FAM53A: variants seen among roughly 807,000 people sequenced by gnomAD.
The protein encoded by FAM53A is protein FAM53A.
Under a neutral mutation model 26.6 loss-of-function variants are expected in FAM53A, and 28 were observed. The observed-to-expected ratio is 1.05, with a 90% CI of 0.78 to 1.45. The LOEUF is 1.45. FAM53A is among the 40% of genes most tolerant of loss of function. The probability of loss-of-function intolerance (pLI) is 0.00; values close to 1 mark genes in which losing one functional copy is unlikely to be tolerated. For missense variants in FAM53A, 650 were observed against 575.8 expected (o/e 1.13, Z -1.32); for synonymous variants, 290 against 253.1 (o/e 1.15, Z -1.38).
the FAM53A span, among the ~76,000 whole-genome samples, chr4:1,603,018 C>T: frequency 1.3e-5 from 2 of 152,198 alleles, no homozygotes; most frequent in Non-Finnish European, 2.9e-5. Flanking sequence ...GGACACAGCT[C>T]GGGGGTGGCG....
intron 2 of FAM53A, among the ~76,000 whole-genome samples, chr4:1,663,046 A>C (rs1713958704): frequency 6.6e-6 from 1 of 152,088 alleles, no homozygotes; most frequent in African/African-American, 2.4e-5. Flanking sequence ...AAAAATACAA[A>C]AAATTAGCTG....
intron 1 of FAM53A, among the ~76,000 whole-genome samples, chr4:1,681,225 T>C (rs940048134): frequency 3.3e-5 from 5 of 152,158 alleles, no homozygotes; most frequent in African/African-American, 1.2e-4. Context: ...GCCTCCCAAG[T>C]AGCGGGGATT....
chr4:1,593,739 GA>G, the FAM53A span, among the ~76,000 whole-genome samples: 4 of 152,080 alleles, frequency 2.6e-5, no homozygotes, highest in Admixed American at 6.5e-5. Flanking sequence ...GGAGACTGGA[GA>G]AATTCCTGAC....
At chr4:1,642,868 G>A (rs1711850414) in intron 4 of FAM53A, among the ~76,000 whole-genome samples, 1 of 152,240 alleles carries the variant, frequency 6.6e-6, no homozygotes, top group Non-Finnish European at 1.5e-5. Context: ...TCGTGGCTCA[G>A]GCTTGTGAGG....
At chr4:1,668,544 G>A in intron 2 of FAM53A, 123 bp downstream of exon 2, 1 of 1,027,088 alleles carries the variant, frequency 9.7e-7, no homozygotes, top group Non-Finnish European at 1.4e-6. Context: ...CCCCATCCCT[G>A]GCCCAGCAGG....
At chr4:1,606,447 G>C in the FAM53A span, among the ~76,000 whole-genome samples, 1 of 152,106 alleles carries the variant, frequency 6.6e-6, no homozygotes, top group East Asian at 1.9e-4. Context: ...GGACTGCTAA[G>C]ATAGCCGAGA....
At chr4:1,625,171 G>A (rs1173734167) in intron 1 of FAM53A, among the ~76,000 whole-genome samples, 1 of 37,146 alleles carries the variant, frequency 2.7e-5, no homozygotes, top group Non-Finnish European at 4.6e-5. Context: ...CCCGGCCCAC[G>A]TGGTCAGGGG....
chr4:1,578,851 AG>A, the FAM53A span, among the ~76,000 whole-genome samples: 1 of 28,492 alleles, frequency 3.5e-5, no homozygotes, highest in African/African-American at 1.6e-4. Flanking sequence ...GGGGGAGGGG[AG>A]AGAAGAGGGG....
At chr4:1,602,432 A>G in the FAM53A span, among the ~76,000 whole-genome samples, 3 of 152,210 alleles carry the variant, frequency 2.0e-5, no homozygotes, top group African/African-American at 7.2e-5. Context: ...GGCAAATGAA[A>G]TGGTGTCTGC....
rs2108940670 is a variant in FAM53A at position 1,659,584 on chromosome 4, G to A, written c.76-2116C>T. ...GCAGCAGCTACTCCCAGTGGCACTG[G>A]CCGTGTGGGATGTGGGTGCAGCAGA... On this transcript the variant is annotated intron_variant, in intron 2 of 4. Coordinates refer to ENST00000308132, the MANE Select transcript of FAM53A (RefSeq NM_001174070.3). The surrounding 1 kb of genome is among the most constrained non-coding windows in gnomAD (Gnocchi z 5.2). Among the ~76,000 whole-genome samples, 1 of 152,362 alleles carries A rather than the reference G, an allele frequency of 6.6e-6. No individual in the cohort carries two copies. The highest frequency in any genetic ancestry group is 1.5e-5 in the Non-Finnish European group (1 of 68,036).
At chr4:1,660,750 G>T (rs548854441) in intron 2 of FAM53A, among the ~76,000 whole-genome samples, 209 of 152,094 alleles carry the variant, frequency 1.4e-3, no homozygotes, top group Non-Finnish European at 2.5e-3. Context: ...TTAGCCAGGC[G>T]TGGTGGCGAG....
the FAM53A span, among the ~76,000 whole-genome samples, chr4:1,594,503 T>C: frequency 6.6e-6 from 1 of 152,324 alleles, no homozygotes; most frequent in Admixed American, 6.5e-5. Context: ...TTTTGGGTTC[T>C]CTTCTCTATC....
At chr4:1,664,007 A>C (rs1235704121) in intron 2 of FAM53A, among the ~76,000 whole-genome samples, 1 of 152,132 alleles carries the variant, frequency 6.6e-6, no homozygotes, top group African/African-American at 2.4e-5. Context: ...CAGCCTGGAC[A>C]CTCCGGGACA....
At position 1,641,318 on chromosome 4, in the gene FAM53A, T is replaced by C. The variant is rs1215700595; in HGVS notation, c.1172A>G (p.Asp391Gly). The stretch of plus-strand genomic sequence containing the variant: ...TCAGTTGTTCTCGATCTGCTCCAGG[T>C]CCAGCTCCCAGCGGGCCCGGGGGAA... ...GVFPRARWEL[D>G]LEQIENN is the part of the protein sequence containing the mutation. Residue 391 changes from aspartate (D) to glycine (G), a missense_variant, in exon 5 of 5, where the codon GAC (aspartate) becomes GGC (glycine). Physicochemically the swap from Asp to Gly is moderately conservative, Grantham distance 94. Coordinates refer to ENST00000308132, the MANE Select transcript of FAM53A (RefSeq NM_001174070.3). The C allele has an allele frequency of 1.2e-6, 2 of 1,612,504 alleles. No individual in the cohort carries two copies. The highest frequency in any genetic ancestry group is 8.5e-7 in the Non-Finnish European group (1 of 1,179,712).
chr4:1,619,577 A>G (rs1238778750), intron 1 of FAM53A, among the ~76,000 whole-genome samples: 2 of 152,142 alleles, frequency 1.3e-5, no homozygotes, highest in Non-Finnish European at 2.9e-5. Flanking sequence ...CTCTGGGTCT[A>G]TACCCTGCAA....
At chr4:1,604,334 G>A in the FAM53A span, among the ~76,000 whole-genome samples, 5 of 152,142 alleles carry the variant, frequency 3.3e-5, no homozygotes, top group African/African-American at 1.2e-4. Flanking sequence ...GGGTGTAGGC[G>A]GTGGCTGCCT....
the FAM53A span, among the ~76,000 whole-genome samples, chr4:1,576,147 C>G: frequency 6.6e-6 from 1 of 152,192 alleles, no homozygotes; most frequent in Non-Finnish European, 1.5e-5. Flanking sequence ...GTCGACGCGT[C>G]TTATCACACA....
At chr4:1,579,154 G>A in the FAM53A span, among the ~76,000 whole-genome samples, 1 of 151,342 alleles carries the variant, frequency 6.6e-6, no homozygotes, top group Non-Finnish European at 1.5e-5. Context: ...TGCGCCTCCA[G>A]GGGCTCCCGT....
At position 1,668,318 on chromosome 4, in the gene FAM53A, T is replaced by C. The variant is rs138615983; in HGVS notation, c.75+349A>G. Among the ~76,000 whole-genome samples, 494 of 152,274 alleles carry C rather than the reference T, an allele frequency of 3.2e-3. 3 individuals are homozygous for C. Among genetic ancestry groups the C allele is most frequent in the African/African-American group, 0.011 (476 of 41,560 alleles). On this transcript the variant is annotated intron_variant, in intron 2 of 4. Transcript: ENST00000308132. ...CCGTGCCCGGCTAATTTTTGTATTT[T>C]TAGTAGAGACGGGGTTTCAACATGT...
Sources: gnomAD v4.1 joint callset for allele counts (sites outside exome capture counted in the v4.1 genomes callset) on GRCh38, gnomAD v4.1.1 for gene constraint, Gnocchi (gnomAD v3.1) non-coding constraint, MANE v1.5 for transcripts, NCBI Gene and HGNC (gene_info 2026-07-23, HGNC 2026-07-21) for gene names.